PGAP4: variants seen among roughly 807,000 people sequenced by gnomAD.
PGAP4 encodes GPI-N-acetylgalactosamine transferase PGAP4.
Under a neutral mutation model 28.2 loss-of-function variants are expected in PGAP4, and 12 were observed. The observed-to-expected ratio is 0.42, with a 90% CI of 0.27 to 0.69. The LOEUF is 0.69. Among genes scored for constraint, PGAP4 ranks in the 30% least tolerant of loss-of-function variants. The pLI is 0.22. For synonymous variants in PGAP4, 205 were observed against 211.8 expected, an observed-to-expected ratio of 0.97 and a Z score of 0.28; for missense variants, 425 against 513.5, an observed-to-expected ratio of 0.83 and a Z score of 1.67.
In PGAP4 at chr9:101,476,043, G is replaced by A. The variant is rs1826293499; in HGVS notation, c.1050C>T (p.Tyr350=). ...PAPAARRTLT[Y]LSQVYCHKGF... ...CCTTGTGGCAGTACACTTGGGACAG[G>A]TAGGTGAGGGTCCGGCGGGCCGCAG... Residue 350 remains tyrosine, a synonymous_variant, in exon 2 of 2, where the codon TAC becomes TAT. Coordinates refer to ENST00000374848, the MANE Select transcript of PGAP4 (RefSeq NM_032342.3). The surrounding 1 kb of genome is among the most constrained non-coding windows in gnomAD (Gnocchi z 7.0). 6.2e-7 allele frequency: 1 copy of A among 1,614,102 alleles called. No individual in the cohort carries two copies. The highest frequency in any genetic ancestry group is 1.7e-5 in the Admixed American group (1 of 60,014).
intron 2 of PGAP4, among the ~76,000 whole-genome samples, chr9:101,493,688 A>G (rs1826711570): frequency 6.6e-6 from 1 of 152,200 alleles, no homozygotes; most frequent in African/African-American, 2.4e-5. Context: ...TGTTTACAGC[A>G]TGAAAACATT....
chr9:101,510,001 T>G (rs952602658), intron 2 of PGAP4, among the ~76,000 whole-genome samples: 1 of 152,226 alleles, frequency 6.6e-6, no homozygotes, highest in Non-Finnish European at 1.5e-5. Flanking sequence ...CACATCCTCA[T>G]GCACATCCTC....
intron 2 of PGAP4, among the ~76,000 whole-genome samples, chr9:101,493,408 T>G (rs1021452080): frequency 6.6e-6 from 1 of 152,192 alleles, no homozygotes; most frequent in African/African-American, 2.4e-5. Context: ...GCCATGGATT[T>G]GGGCAGAGTT....
At chr9:101,484,025 G>A (rs2118547924) in intron 1 of PGAP4, among the ~76,000 whole-genome samples, 1 of 152,242 alleles carries the variant, frequency 6.6e-6, no homozygotes, top group East Asian at 1.9e-4. Context: ...ATCTTTGGAG[G>A]AAATGTTGGG....
chr9:101,479,424 C>G (rs1396517280), intron 1 of PGAP4, among the ~76,000 whole-genome samples: 1 of 152,196 alleles, frequency 6.6e-6, no homozygotes, highest in Non-Finnish European at 1.5e-5. Flanking sequence ...ATAGGGCAGG[C>G]AGTTTGGAAA....
Position 101,475,206 on chromosome 9 carries a change from C to T in PGAP4, c.*675G>A, listed in dbSNP as rs1367819804. 6.5e-6 allele frequency: 1 copy of T among 153,034 alleles called. No homozygotes were observed. Among genetic ancestry groups the T allele is most frequent in the African/African-American group, 2.4e-5 (1 of 41,428 alleles). The allele number at this position is 153,034 out of a possible 1,614,324, so 9.5% of individuals were successfully genotyped here. A position where few individuals can be genotyped will look rare whatever the true frequency, so the allele number is the denominator to read the frequency against. ...CATAAGCAATCTGACTTTGATGGTT[C>T]ACAAGCTCTTCCAGATCTTGTCGTG... is the stretch of plus-strand genomic sequence containing the variant. On this transcript the variant is annotated 3_prime_UTR_variant, in exon 2 of 2. Transcript: ENST00000374848.
chr9:101,529,155 T>A (rs545346945), intron 2 of PGAP4, among the ~76,000 whole-genome samples: 1 of 74,120 alleles, frequency 1.3e-5, no homozygotes, highest in South Asian at 3.4e-4. Context: ...TCTCTCGGCT[T>A]TTTTTTTTTT....
intron 2 of PGAP4, among the ~76,000 whole-genome samples, chr9:101,518,801 T>C (rs1401529062): frequency 6.6e-6 from 1 of 152,228 alleles, no homozygotes; most frequent in Non-Finnish European, 1.5e-5. Context: ...CTTTTTCATA[T>C]GACTTCTTTT....
At chr9:101,493,469 T>G (rs1428746702) in intron 2 of PGAP4, among the ~76,000 whole-genome samples, 2 of 152,128 alleles carry the variant, frequency 1.3e-5, no homozygotes, top group Non-Finnish European at 2.9e-5. Flanking sequence ...AAATATCATG[T>G]GTACTCCATG....
intron 1 of PGAP4, among the ~76,000 whole-genome samples, chr9:101,479,492 T>C (rs200347333): frequency 6.6e-6 from 1 of 152,168 alleles, no homozygotes; most frequent in East Asian, 1.9e-4. Flanking sequence ...GGGAAAGAAA[T>C]GGAAACACCT....
chr9:101,496,128 G>T (rs1447892154), intron 2 of PGAP4, among the ~76,000 whole-genome samples: 1 of 151,444 alleles, frequency 6.6e-6, no homozygotes, highest in Non-Finnish European at 1.5e-5. Context: ...CAAGACTAAA[G>T]AATCAAGTTA....
intron 2 of PGAP4, among the ~76,000 whole-genome samples, chr9:101,506,160 A>G (rs1826846831): frequency 6.6e-6 from 1 of 152,118 alleles, no homozygotes; most frequent in Non-Finnish European, 1.5e-5. Flanking sequence ...GTAGTAGGTG[A>G]CATGACACCA....
intron 1 of PGAP4, among the ~76,000 whole-genome samples, chr9:101,481,947 C>CT (rs1826501004): frequency 1.3e-5 from 2 of 152,098 alleles, no homozygotes; most frequent in Non-Finnish European, 2.9e-5. Flanking sequence ...AGCTTTCCTC[C>CT]CTGCCACACT....
chr9:101,490,460 G>A (rs569141962), upstream of PGAP4, among the ~76,000 whole-genome samples: 6 of 152,302 alleles, frequency 3.9e-5, no homozygotes, highest in South Asian at 1.0e-3. Context: ...AAAGTGCTGG[G>A]ATTACAGGCG....
rs183002196 is a variant in PGAP4, at chr9:101,522,189, G to A, written c.-165+9159C>T. On this transcript the variant is annotated intron_variant, in intron 2 of 3. Transcript: ENST00000374851. The stretch of plus-strand genomic sequence containing the variant: ...CTGTTGAATAGAATGCATATTCTCC[G>A]ATTGTTGGATGAAATGTTCTGTATA... 6.0e-4 allele frequency among the ~76,000 whole-genome samples: 91 copies of A among 152,196 alleles called. 1 individual carries two copies. The highest frequency in any genetic ancestry group is 2.1e-4 in the South Asian group (1 of 4,826).
intron 2 of PGAP4, among the ~76,000 whole-genome samples, chr9:101,510,941 GT>G (rs917010139): frequency 1.3e-5 from 2 of 152,132 alleles, no homozygotes; most frequent in African/African-American, 4.8e-5. Flanking sequence ...CTCTGATAGG[GT>G]TTTGATATGA....
intron 2 of PGAP4, among the ~76,000 whole-genome samples, chr9:101,498,705 C>G (rs1296972017): frequency 6.6e-6 from 1 of 151,878 alleles, no homozygotes; most frequent in Non-Finnish European, 1.5e-5. Flanking sequence ...GCCCAGGAAA[C>G]CTGGCATGCC....
At chr9:101,504,504 C>T (rs1324525618) in intron 2 of PGAP4, among the ~76,000 whole-genome samples, 1 of 151,938 alleles carries the variant, frequency 6.6e-6, no homozygotes, top group African/African-American at 2.4e-5. Flanking sequence ...CTCATAGAGC[C>T]TGGAAGTCAT....
chr9:101,533,172 C>G (rs1827122516), exon 1 of PGAP4: 1 of 152,136 alleles, frequency 6.6e-6, no homozygotes, highest in African/African-American at 2.4e-5. Context: ...TTTATCTTTT[C>G]CCTGGACAAT....
Sources: gnomAD v4.1 joint callset for allele counts (sites outside exome capture counted in the v4.1 genomes callset) on GRCh38, gnomAD v4.1.1 for gene constraint, Gnocchi (gnomAD v3.1) non-coding constraint, MANE v1.5 for transcripts, NCBI Gene and HGNC (gene_info 2026-07-23, HGNC 2026-07-21) for gene names.